Variants in DVL2 observed in about 807,000 individuals in gnomAD.
DVL2 encodes the protein dishevelled segment polarity protein 2, also known as segment polarity protein dishevelled homolog DVL-2.
Under a neutral mutation model 69.8 loss-of-function variants are expected in DVL2, and 38 were observed. That is an observed-to-expected ratio of 0.54 (90% CI 0.42 to 0.71). The LOEUF (loss-of-function observed/expected upper bound fraction) is 0.71, where lower values mean the gene tolerates loss of function less well. Among genes scored for constraint, DVL2 ranks in the 30% least tolerant of loss-of-function variants. The probability of loss-of-function intolerance (pLI) is 0.00; values close to 1 mark genes in which losing one functional copy is unlikely to be tolerated. For missense variants in DVL2, 931 were observed against 1,008.1 expected (o/e 0.92, Z 1.04); for synonymous variants, 428 against 392.4 (o/e 1.09, Z -1.07).
Position 7,228,952 on chromosome 17 carries a change from C to T in DVL2, c.1034+17G>A. 1 of 1,613,526 alleles carries T rather than the reference C, an allele frequency of 6.2e-7. No homozygotes were observed. The highest frequency in any genetic ancestry group is 8.5e-7 in the Non-Finnish European group (1 of 1,179,474). On this transcript the variant is annotated intron_variant, in intron 9 of 14. Coordinates refer to ENST00000005340, the MANE Select transcript of DVL2 (RefSeq NM_004422.3). ...AAAAAAGAGGACTGAGGACCGGCAA[C>T]CTGCTTGGCAACTCACCCAGGCTTG...
chr17:7,230,697 G>A, intron 2 of DVL2, 31 bp downstream of exon 2: 1 of 1,594,016 alleles, frequency 6.3e-7, no homozygotes, highest in East Asian at 2.2e-5. Context: ...AATGCTGAGG[G>A]GGCCTGGTCC....
In DVL2 at chr17:7,226,314, C is replaced by T; in HGVS notation, c.1763-1G>A. ...CGTGTCGACCCACTGCTCCGGCTGC[C>T]TGTGGAGGGAGGGGAGGGGCAACTG... On this transcript the variant is annotated splice_acceptor_variant, in intron 14 of 14. Coordinates refer to ENST00000005340, the MANE Select transcript of DVL2 (RefSeq NM_004422.3). LOFTEE classifies it high-confidence loss of function. 6.4e-7 allele frequency: 1 copy of T among 1,558,368 alleles called. No individual in the cohort carries two copies. The highest frequency in any genetic ancestry group is 1.4e-5 in the African/African-American group (1 of 73,190).
rs35734517 is a variant in DVL2, at chr17:7,231,861, G to GAAA, written c.195-1067_195-1065dup. 2.4e-4 allele frequency among the ~76,000 whole-genome samples: 12 copies of GAAA among 50,132 alleles called. 1 individual carries two copies. The highest frequency in any genetic ancestry group is 2.9e-4 in the Non-Finnish European group (7 of 24,288). The allele number at this position is 50,132 out of a possible 152,430, so 32.9% of individuals were successfully genotyped here. A position where few individuals can be genotyped will look rare whatever the true frequency, so the allele number is the denominator to read the frequency against. On this transcript the variant is annotated intron_variant, in intron 1 of 14. Transcript: ENST00000005340. ...CTGGGCAGAGTGAGACTCCACCTCA[G>GAAA]AAAAAAAAAAAAAAAAAAAAACCAC...
In DVL2 at chr17:7,229,121, C is replaced by G. The variant is rs760604132; in HGVS notation, c.957+14G>C. 4.3e-6 allele frequency: 7 copies of G among 1,614,038 alleles called. No homozygotes were observed. The highest frequency in any genetic ancestry group is 5.1e-6 in the Non-Finnish European group (6 of 1,179,888). ...CCCCGTGCAGGGCAGCTCAGTGGCC[C>G]TACCCCAGCACACCTGCAAAAGCAT... is the stretch of plus-strand genomic sequence containing the variant. On this transcript the variant is annotated intron_variant, in intron 8 of 14. Coordinates refer to ENST00000005340, the MANE Select transcript of DVL2 (RefSeq NM_004422.3). The surrounding 1 kb of genome is among the most constrained non-coding windows in gnomAD (Gnocchi z 4.4).
intron 13 of DVL2, 150 bp from the exon 14 acceptor site, chr17:7,226,789 TC>T: frequency 1.5e-6 from 1 of 674,094 alleles, no homozygotes; most frequent in Non-Finnish European, 2.4e-6. Flanking sequence ...GACAAGAAAC[TC>T]CCATCTACTT....
At position 7,227,205 on chromosome 17, in the gene DVL2, G is replaced by C; in HGVS notation, c.1428C>G (p.Arg476=). ...VEGFPERREA[R]KYASGLLKAG... is the part of the protein sequence containing the mutation. ...CTTTGAGCAGCCCGCTGGCATACTT[G>C]CGGGCCTCCCGCCGCTCAGGAAAGC... Residue 476 remains arginine, a synonymous_variant, in exon 13 of 15, where the codon CGC becomes CGG. Coordinates refer to ENST00000005340, the MANE Select transcript of DVL2 (RefSeq NM_004422.3). 1.2e-6 allele frequency: 2 copies of C among 1,612,714 alleles called. No homozygotes were observed. The highest frequency in any genetic ancestry group is 1.1e-5 in the South Asian group (1 of 90,968).
Position 7,226,301 on chromosome 17 carries a change from C to A in DVL2, c.1775G>T (p.Ser592Ile). ...SSQHSEGSRS[S>I]GSTRSDGGAG... Reference sequence around the variant, plus strand: ...CCCCCCATCACTCCGTGTCGACCCACTGCTCCGGCTGCCTGTGGAGGGAGG... The same window carrying A: ...CCCCCCATCACTCCGTGTCGACCCAATGCTCCGGCTGCCTGTGGAGGGAGG... Residue 592 changes from serine to isoleucine, a missense_variant, in exon 15 of 15, where the codon AGT becomes ATT. Around this residue, in one of 3 missense-constraint regions of DVL2, gnomAD observed 314 missense variants for 313.7 expected, o/e 1.00. Transcript: ENST00000005340. 6.4e-7 allele frequency: 1 copy of A among 1,564,904 alleles called. No homozygotes were observed. Among genetic ancestry groups the A allele is most frequent in the Non-Finnish European group, 8.6e-7 (1 of 1,158,866 alleles).
intron 1 of DVL2, 92 bp from the exon 2 acceptor site, chr17:7,230,889 A>G: frequency 1.0e-6 from 1 of 977,414 alleles, no homozygotes; most frequent in South Asian, 1.5e-5. Flanking sequence ...ACCTGGCTCC[A>G]GGATGTTGAC....
chr17:7,229,389 G>A lies in DVL2; in HGVS notation c.806C>T (p.Thr269Met), dbSNP rs146828816. 63 of 1,613,958 alleles carry A rather than the reference G, an allele frequency of 3.9e-5. No homozygotes were observed. The African/African-American group carries it at 5.9e-4, about 15-fold the overall frequency. The stretch of plus-strand genomic sequence containing the variant: ...GGCTCTCCCCATACCCATGTTTAGC[G>A]TGACTGTGATGATATTGAGAGACAT... ...STMSLNIITV[T>M]LNMEKYNFLG... Residue 269 changes from threonine (T) to methionine (M), a missense_variant, in exon 7 of 15, where the codon ACG becomes ATG. This residue lies in a region of DVL2 where 555 missense variants were observed against 588.8 expected (regional missense o/e 0.94). Coordinates refer to ENST00000005340, the MANE Select transcript of DVL2 (RefSeq NM_004422.3). This position sits in a 1 kb window ranked among gnomAD's most constrained non-coding sequence, Gnocchi z 4.4.
chr17:7,229,936 GC>G lies in DVL2; in HGVS notation c.527del (p.Gly176AlafsTer24). Reference protein sequence around the residue: ...RRDSSEHGAGGHRTGGPSRLE... With the variant: ...RRDSSEHGAGXHRTGGPSRLE... ...GCCTTGAGGGGCCACCAGTCCTGTG[GC>G]CCCCAGCTACATATGGACAGGAAGC... is the stretch of plus-strand genomic sequence containing the variant. On this transcript the variant is annotated frameshift_variant, in exon 5 of 15. Transcript: ENST00000005340. LOFTEE classifies it high-confidence loss of function. The surrounding 1 kb of genome is among the most constrained non-coding windows in gnomAD (Gnocchi z 4.4). 6.2e-7 allele frequency: 1 copy of G among 1,608,302 alleles called. No individual in the cohort carries two copies.
rs1199025012 is a variant in DVL2 at position 7,225,518 on chromosome 17, TGGA to T, written c.*344_*346del. The T allele has an allele frequency of 9.6e-6, 4 of 414,938 alleles. No homozygotes were observed. Among genetic ancestry groups the T allele is most frequent in the Non-Finnish European group, 1.3e-5 (3 of 227,818 alleles). The allele number at this position is 414,938 out of a possible 1,614,324, so 25.7% of individuals were successfully genotyped here. On this transcript the variant is annotated 3_prime_UTR_variant, in exon 15 of 15. Transcript: ENST00000005340. Reference sequence around the variant, plus strand: ...TGCAAAGGGCAGGGCTGTGGGTAACTGGAGGAGGAGGTCACATTCTGGGGTTAG... The same window carrying T: ...TGCAAAGGGCAGGGCTGTGGGTAACTGGAGGAGGTCACATTCTGGGGTTAG...
At position 7,234,241 on chromosome 17, in the gene DVL2, C is replaced by T. The variant is rs757300697; in HGVS notation, c.22G>A (p.Gly8Ser). 2 of 1,613,314 alleles carry T rather than the reference C, an allele frequency of 1.2e-6. No homozygotes were observed. The highest frequency in any genetic ancestry group is 3.3e-5 in the Admixed American group (2 of 59,976). Residue 8 changes from glycine (G) to serine (S), a missense_variant, in exon 1 of 15, where the codon GGC becomes AGC. Around this residue, in one of 3 missense-constraint regions of DVL2, gnomAD observed 555 missense variants for 588.8 expected, o/e 0.94. Transcript: ENST00000005340. ...ACCTTCGTCTCCCCAACCCCACCGCCCCCAGTGCTGCTACCCGCCATGGTC... is the reference window on the plus strand; with the variant it reads ...ACCTTCGTCTCCCCAACCCCACCGCTCCCAGTGCTGCTACCCGCCATGGTC... MAGSSTG[G>S]GGVGETKVIY...
chr17:7,230,618 A>G (rs2071528313), intron 2 of DVL2, 110 bp downstream of exon 2: 4 of 1,341,730 alleles, frequency 3.0e-6, no homozygotes, highest in Non-Finnish European at 3.1e-6. Context: ...CAGGAGGTAA[A>G]GAGCCAGGGC....
rs2071508813 is a variant in DVL2, at chr17:7,229,512, G to A, written c.748-65C>T. The A allele has an allele frequency of 1.2e-6, 2 of 1,612,408 alleles. No individual in the cohort carries two copies. Among genetic ancestry groups the A allele is most frequent in the Non-Finnish European group, 1.7e-6 (2 of 1,178,636 alleles). On this transcript the variant is annotated intron_variant, in intron 6 of 14. Coordinates refer to ENST00000005340, the MANE Select transcript of DVL2 (RefSeq NM_004422.3). The surrounding 1 kb of genome is among the most constrained non-coding windows in gnomAD (Gnocchi z 4.4). Reference sequence around the variant, plus strand: ...CAGGGTCAACCCTGGGGTGCTGCCGGTGTCCTGGCACCGCCCAAACCAAAG... The same window carrying A: ...CAGGGTCAACCCTGGGGTGCTGCCGATGTCCTGGCACCGCCCAAACCAAAG...
chr17:7,234,150 A>T lies in DVL2; in HGVS notation c.113T>A (p.Ile38Asn). Residue 38 changes from isoleucine (I) to asparagine (N), a missense_variant, in exon 1 of 15, where the codon ATC (isoleucine) becomes AAC (asparagine). Physicochemically the swap from Ile to Asn is moderately radical, Grantham distance 149. Transcript: ENST00000005340. ...LVKIPVPAER[I>N]TLGDFKSVLQ... ...GACGCTCTTGAAATCGCCGAGGGTG[A>T]TGCGCTCGGCGGGGACAGGGATCTT... is the stretch of plus-strand genomic sequence containing the variant. The T allele has an allele frequency of 6.2e-7, 1 of 1,614,118 alleles. No individual in the cohort carries two copies. The highest frequency in any genetic ancestry group is 8.5e-7 in the Non-Finnish European group (1 of 1,180,024).
chr17:7,226,264 C>T lies in DVL2; in HGVS notation c.1812G>A (p.Thr604=), dbSNP rs748005728. 48 of 1,603,426 alleles carry T rather than the reference C, an allele frequency of 3.0e-5. No homozygotes were observed. The South Asian group carries it at 4.1e-4, about 14-fold the overall frequency. ...CGGGGGCCCGCTCCTCGGGCCTCCC[C>T]GTGCGCCCTGCCCCCCCATCACTCC... ...STRSDGGAGR[T]GRPEERAPES... Residue 604 remains threonine, a synonymous_variant, in exon 15 of 15, where the codon ACG becomes ACA. Transcript: ENST00000005340.
rs781405704 is a variant in DVL2 at position 7,228,074 on chromosome 17, G to A, written c.1035-30C>T. ...GGGGAAGAGAAGTCCAGTCAAGGGC[G>A]CAGGGGAAGAGGAGGCCTCAGGAGG... On this transcript the variant is annotated intron_variant, in intron 9 of 14. Coordinates refer to ENST00000005340, the MANE Select transcript of DVL2 (RefSeq NM_004422.3). 26 of 1,515,972 alleles carry A rather than the reference G, an allele frequency of 1.7e-5. No homozygotes were observed. In the Admixed American group the frequency reaches 2.9e-4, roughly 17 times the overall value. 93.9% of individuals were successfully genotyped at this position (1,515,972 alleles called of 1,614,324 possible).
intron 13 of DVL2, 21 bp from the exon 14 acceptor site, chr17:7,226,660 G>A (rs1263340808): frequency 1.3e-6 from 2 of 1,489,016 alleles, no homozygotes; most frequent in South Asian, 1.3e-5. Flanking sequence ...AGGGAAGAGA[G>A]GAAGAAATCA....
chr17:7,228,055 G>T lies in DVL2; in HGVS notation c.1035-11C>A. 2 of 1,529,936 alleles carry T rather than the reference G, an allele frequency of 1.3e-6. No homozygotes were observed. The highest frequency in any genetic ancestry group is 1.8e-6 in the Non-Finnish European group (2 of 1,140,532). The allele number at this position is 1,529,936 out of a possible 1,614,324, so 94.8% of individuals were successfully genotyped here. A position where few individuals can be genotyped will look rare whatever the true frequency, so the allele number is the denominator to read the frequency against. The stretch of plus-strand genomic sequence containing the variant: ...GTCAGCACAATGGGGCTATGGGGAA[G>T]AGAAGTCCAGTCAAGGGCGCAGGGG... On this transcript the variant is annotated splice_polypyrimidine_tract_variant and intron_variant, in intron 9 of 14. Coordinates refer to ENST00000005340, the MANE Select transcript of DVL2 (RefSeq NM_004422.3).
Sources: gnomAD v4.1 joint callset for allele counts (sites outside exome capture counted in the v4.1 genomes callset) on GRCh38, gnomAD v4.1.1 for gene constraint, gnomAD v4.1.1 regional missense constraint, Gnocchi (gnomAD v3.1) non-coding constraint, MANE v1.5 for transcripts, NCBI Gene and HGNC (gene_info 2026-07-23, HGNC 2026-07-21) for gene names.